DOCK9: variants seen among roughly 807,000 people sequenced by gnomAD.
DOCK9 encodes dedicator of cytokinesis 9.
DOCK9 carries 89 observed loss-of-function variants against 263.3 expected under a neutral mutation model. That is an observed-to-expected ratio of 0.34 (90% CI 0.28 to 0.40). The LOEUF (loss-of-function observed/expected upper bound fraction) is 0.40, where lower values mean the gene tolerates loss of function less well. Among genes scored for constraint, DOCK9 ranks in the 10% least tolerant of loss-of-function variants. The probability of loss-of-function intolerance (pLI) is 1.00; values close to 1 mark genes in which losing one functional copy is unlikely to be tolerated. For missense variants in DOCK9, 2,140 were observed against 2,603.4 expected (o/e 0.82, Z 3.87); for synonymous variants, 976 against 973.1 (o/e 1.00, Z -0.06).
At chr13:99,051,854 G>GGAAAAAAA (rs1566359543) in intron 1 of DOCK9, among the ~76,000 whole-genome samples, 1 of 11,210 alleles carries the variant, frequency 8.9e-5, no homozygotes, top group Non-Finnish European at 2.5e-4. Context: ...TCCACTAGTG[G>GGAAAAAAA]CAAAAAAAAA....
At position 98,868,252 on chromosome 13, in the gene DOCK9, A is replaced by G; in HGVS notation, c.3069T>C (p.His1023=). 1 of 1,613,944 alleles carries G rather than the reference A, an allele frequency of 6.2e-7. No homozygotes were observed. Among genetic ancestry groups the G allele is most frequent in the East Asian group, 2.2e-5 (1 of 44,878 alleles). Residue 1023 remains histidine (H), a synonymous_variant, in exon 28 of 53, where the codon CAT becomes CAC. Coordinates refer to ENST00000682017, the MANE Select transcript of DOCK9 (RefSeq NM_001366683.2). ...DNPEASKNAN[H]SLAVFIKRCF... is the part of the protein sequence containing the mutation. ...CCACCTTGATGAAGACAGCAAGGCT[A>G]TGATTCGCGTTCTTAGATGCCTCTG...
intron 1 of DOCK9, among the ~76,000 whole-genome samples, chr13:98,991,338 G>C (rs948981213): frequency 1.3e-5 from 2 of 152,064 alleles, no homozygotes; most frequent in African/African-American, 2.4e-5. Flanking sequence ...CCAAAGTGCT[G>C]GGATTACAGG....
At chr13:98,919,827 C>A (rs1412290905) in intron 7 of DOCK9, among the ~76,000 whole-genome samples, 1 of 152,226 alleles carries the variant, frequency 6.6e-6, no homozygotes, top group Non-Finnish European at 1.5e-5. Context: ...GGTGGCCCAC[C>A]CACAGCAGGT....
intron 1 of DOCK9, among the ~76,000 whole-genome samples, chr13:99,081,535 T>C (rs1383031624): frequency 2.0e-5 from 3 of 152,236 alleles, no homozygotes; most frequent in Non-Finnish European, 2.9e-5. Context: ...GCCAGAAGAC[T>C]TGTATATTAA....
intron 1 of DOCK9, among the ~76,000 whole-genome samples, chr13:98,989,893 C>T (rs993872896): frequency 2.0e-5 from 3 of 152,200 alleles, no homozygotes; most frequent in Non-Finnish European, 4.4e-5. Flanking sequence ...AAGTAAAATG[C>T]CTTTCAATTT....
chr13:98,932,799 A>T (rs781019186), intron 2 of DOCK9, among the ~76,000 whole-genome samples: 23 of 152,184 alleles, frequency 1.5e-4, no homozygotes, highest in Admixed American at 3.3e-4. Flanking sequence ...GGAAGAAATG[A>T]ATTCTGTTCT....
chr13:99,061,854 C>T (rs1278259924), intron 1 of DOCK9, among the ~76,000 whole-genome samples: 1 of 150,634 alleles, frequency 6.6e-6, no homozygotes, highest in African/African-American at 2.4e-5. Context: ...GAGGAAAAAG[C>T]TTTTTGTTTT....
chr13:99,073,307 T>TTC (rs145465576), intron 1 of DOCK9, among the ~76,000 whole-genome samples: 325 of 149,894 alleles, frequency 2.2e-3, no homozygotes, highest in African/African-American at 7.1e-3. Flanking sequence ...TTCTCATTCA[T>TTC]TCTCTCTCTC....
At chr13:98,797,531 A>G in intron 50 of DOCK9, 42 bp from the exon 51 acceptor site, 1 of 1,531,756 alleles carries the variant, frequency 6.5e-7, no homozygotes. Context: ...TAGGAAGAAA[A>G]TCACCATGAC....
intron 45 of DOCK9, among the ~76,000 whole-genome samples, chr13:98,813,382 A>C (rs1268250601): frequency 6.6e-6 from 1 of 152,126 alleles, no homozygotes; most frequent in Non-Finnish European, 1.5e-5. Context: ...TTTTCAGGTT[A>C]AGGAAGTTCC....
chr13:98,863,256 A>G, intron 31 of DOCK9, 114 bp downstream of exon 31: 3 of 1,515,072 alleles, frequency 2.0e-6, no homozygotes, highest in Non-Finnish European at 2.7e-6. Flanking sequence ...TAGTCCCAAA[A>G]TAGAGCAAAA....
chr13:98,972,205 T>C lies in DOCK9; in HGVS notation c.126+5579A>G, dbSNP rs1349676387. ...TGCCTCCTAGAGTTGTGAGGATTAA[T>C]TGAAATAACATTTAGCAGGCATAAA... On this transcript the variant is annotated intron_variant, in intron 1 of 52. Coordinates refer to ENST00000682017, the MANE Select transcript of DOCK9 (RefSeq NM_001366683.2). 4.6e-5 allele frequency among the ~76,000 whole-genome samples: 7 copies of C among 152,198 alleles called. No homozygotes were observed. The East Asian group carries it at 5.8e-4, about 13-fold the overall frequency.
At chr13:98,911,593 CT>C (rs1423686904) in intron 9 of DOCK9, among the ~76,000 whole-genome samples, 1 of 152,034 alleles carries the variant, frequency 6.6e-6, no homozygotes, top group Non-Finnish European at 1.5e-5. Context: ...ATGTAATTCA[CT>C]TTAAAAAGTT....
chr13:98,847,720 A>G (rs1267458952), intron 37 of DOCK9: 1 of 152,226 alleles, frequency 6.6e-6, no homozygotes, highest in Non-Finnish European at 1.5e-5. Context: ...CTCAATGACA[A>G]TTACATTTTT....
chr13:98,841,863 G>A (rs9584949), intron 38 of DOCK9, among the ~76,000 whole-genome samples: 22,856 of 151,370 alleles, frequency 0.15, 1,886 homozygotes, highest in South Asian at 0.2. Flanking sequence ...GGCTGGTTTC[G>A]AACTCCTGAC....
Position 98,931,577 on chromosome 13 carries a change from C to T in DOCK9, c.244-1320G>A, listed in dbSNP as rs1377644817. ...CCTCCCAAAGTGCTGGGATTACAGG[C>T]GTGAGCCACTGCGCCCAGCCTAATT... On this transcript the variant is annotated intron_variant, in intron 2 of 52. Transcript: ENST00000682017. Among the ~76,000 whole-genome samples, 6 of 151,804 alleles carry T rather than the reference C, an allele frequency of 4.0e-5. No homozygotes were observed. The East Asian group carries it at 9.8e-4, about 25-fold the overall frequency.
Position 98,848,624 on chromosome 13 carries a change from C to G in DOCK9, c.4029G>C (p.Gln1343His). 6.2e-7 allele frequency: 1 copy of G among 1,612,554 alleles called. No individual in the cohort carries two copies. The highest frequency in any genetic ancestry group is 8.5e-7 in the Non-Finnish European group (1 of 1,179,456). Residue 1343 changes from glutamine to histidine, a missense_variant, in exon 37 of 53, where the codon CAG (glutamine) becomes CAC (histidine). Physicochemically the swap from Gln to His is conservative, Grantham distance 24 (BLOSUM62 0). Coordinates refer to ENST00000682017, the MANE Select transcript of DOCK9 (RefSeq NM_001366683.2). ...FFTISEVCLHQFQYMGKRYIA... is the reference protein window; with the variant it reads ...FFTISEVCLHHFQYMGKRYIA... Reference sequence around the variant, plus strand: ...TGTATCGCTTCCCCATGTACTGGAACTGGTGCAGGCAGACTCTGCAGGCAA... The same window carrying G: ...TGTATCGCTTCCCCATGTACTGGAAGTGGTGCAGGCAGACTCTGCAGGCAA...
At chr13:98,848,698 T>C (rs1364373729) in intron 36 of DOCK9, 59 bp from the exon 37 acceptor site, 8 of 1,498,302 alleles carry the variant, frequency 5.3e-6, no homozygotes, top group Non-Finnish European at 7.3e-6. Context: ...TTTCGGGACG[T>C]TATTTATCTG....
intron 2 of DOCK9, among the ~76,000 whole-genome samples, chr13:98,954,897 C>CACACAT (rs1267820966): frequency 7.9e-4 from 118 of 149,930 alleles, no homozygotes; most frequent in Middle Eastern, 3.5e-3. Flanking sequence ...CACACACACA[C>CACACAT]ATTTTGGCAT....
Sources: allele counts gnomAD v4.1 joint callset (sites outside exome capture counted in the v4.1 genomes callset), GRCh38; gene constraint gnomAD v4.1.1; transcripts MANE v1.5; gene names NCBI Gene and HGNC (gene_info 2026-07-23, HGNC 2026-07-21).